Variants in TTLL13 observed in about 807,000 individuals in gnomAD.
The protein encoded by TTLL13 is tubulin polyglutamylase TTLL13.
At chr15:90,257,028 A>T in the TTLL13 span, 2 of 1,075,798 alleles carry the variant, frequency 1.9e-6, no homozygotes, top group Non-Finnish European at 2.7e-6. Flanking sequence ...TAACTATTTT[A>T]CATGGTTATT....
At chr15:90,250,312 G>T in the TTLL13 span, among the ~76,000 whole-genome samples, 1 of 152,144 alleles carries the variant, frequency 6.6e-6, no homozygotes, top group Admixed American at 6.5e-5. Flanking sequence ...AAGAGCCATG[G>T]TCATGGCCCA....
At chr15:90,260,357 C>T in the TTLL13 span, among the ~76,000 whole-genome samples, 8 of 151,896 alleles carry the variant, frequency 5.3e-5, no homozygotes, top group South Asian at 2.1e-4. Flanking sequence ...ATTAGCCAAG[C>T]GTAATGGTGC....
At chr15:90,257,644 T>C in the TTLL13 span, 4 of 1,614,014 alleles carry the variant, frequency 2.5e-6, no homozygotes, top group African/African-American at 5.3e-5. Flanking sequence ...CAGGACAATG[T>C]CTGCATGCAC....
At chr15:90,253,395 C>A in the TTLL13 span, 1 of 1,568,730 alleles carries the variant, frequency 6.4e-7, no homozygotes, top group Non-Finnish European at 8.7e-7. Context: ...TGAGAGCCGA[C>A]AGGGGCTAGG....
the TTLL13 span, chr15:90,262,907 G>C: frequency 6.7e-7 from 1 of 1,490,484 alleles, no homozygotes; most frequent in Non-Finnish European, 8.9e-7. Context: ...AGCCATCCTG[G>C]GTGATGGTTT....
chr15:90,264,451 G>T, the TTLL13 span, among the ~76,000 whole-genome samples: 1 of 152,178 alleles, frequency 6.6e-6, no homozygotes, highest in Non-Finnish European at 1.5e-5. Flanking sequence ...GATTACAGGT[G>T]TAAGCCACCG....
chr15:90,264,819 A>C, the TTLL13 span: 4 of 1,536,026 alleles, frequency 2.6e-6, no homozygotes, highest in African/African-American at 2.7e-5. Context: ...CTGCAACCGG[A>C]AAGAGTGGCA....
chr15:90,250,654 C>G, the TTLL13 span: 54 of 1,613,892 alleles, frequency 3.3e-5, no homozygotes, highest in Non-Finnish European at 4.4e-5. Flanking sequence ...CCTGTAGGAC[C>G]ATGGAATCAG....
chr15:90,262,238 C>A, the TTLL13 span: 2 of 1,457,532 alleles, frequency 1.4e-6, no homozygotes, highest in Non-Finnish European at 1.8e-6. Flanking sequence ...GGGGACAAGT[C>A]CTGAAGCTGC....
chr15:90,262,705 G>A, the TTLL13 span: 18 of 1,446,858 alleles, frequency 1.2e-5, no homozygotes, highest in African/African-American at 2.0e-4. Context: ...CTTTCCACAG[G>A]AAAATGGGTT....
the TTLL13 span, chr15:90,264,985 TCTA>T: frequency 1.3e-6 from 2 of 1,528,188 alleles, no homozygotes; most frequent in South Asian, 2.4e-5. Flanking sequence ...AGGGAAGCAC[TCTA>T]CCTCTCCTGG....
chr15:90,251,121 T>TTTTTTTTTTC, the TTLL13 span, among the ~76,000 whole-genome samples: 3 of 136,098 alleles, frequency 2.2e-5, no homozygotes, highest in South Asian at 7.7e-4. Flanking sequence ...TGTCTTTTTT[T>TTTTTTTTTTC]TTTTTTTTTT....
the TTLL13 span, chr15:90,262,348 T>A: frequency 1.8e-6 from 2 of 1,139,668 alleles, no homozygotes; most frequent in Admixed American, 3.0e-5. Flanking sequence ...GTTTAGTAGG[T>A]TTCCTATCTT....
the TTLL13 span, chr15:90,257,999 C>T: frequency 8.8e-6 from 14 of 1,593,010 alleles, no homozygotes; most frequent in Non-Finnish European, 1.0e-5. Context: ...GGCCCAGTGG[C>T]CTAGAAACTG....
At chr15:90,254,052 G>A in the TTLL13 span, among the ~76,000 whole-genome samples, 1 of 152,228 alleles carries the variant, frequency 6.6e-6, no homozygotes, top group East Asian at 1.9e-4. Flanking sequence ...GCTCACACCT[G>A]TAATCCCACC....
the TTLL13 span, among the ~76,000 whole-genome samples, chr15:90,264,445 A>G: frequency 6.6e-6 from 1 of 152,202 alleles, no homozygotes; most frequent in African/African-American, 2.4e-5. Context: ...TGCTAGGATT[A>G]CAGGTGTAAG....
the TTLL13 span, among the ~76,000 whole-genome samples, chr15:90,251,280 A>ATTTTT: frequency 7.3e-3 from 804 of 109,476 alleles, 25 homozygotes; most frequent in African/African-American, 0.025. Flanking sequence ...CGCATGGCAA[A>ATTTTT]TTTTTTTTTT....
At chr15:90,263,540 CAACAAAAG>C in the TTLL13 span, 3 of 550,438 alleles carry the variant, frequency 5.5e-6, no homozygotes, top group Non-Finnish European at 9.7e-6. Context: ...AGATTTGGGC[CAACAAAAG>C]AGCTGCCGCT....
the TTLL13 span, chr15:90,264,666 G>A: frequency 2.6e-6 from 4 of 1,517,484 alleles, no homozygotes; most frequent in Non-Finnish European, 3.5e-6. Flanking sequence ...GGAAAGAGGT[G>A]AACAAATCTC....
Sources: allele counts gnomAD v4.1 joint callset (sites outside exome capture counted in the v4.1 genomes callset), GRCh38; gene constraint gnomAD v4.1.1; transcripts MANE v1.5; gene names NCBI Gene and HGNC (gene_info 2026-07-23, HGNC 2026-07-21).